Variants in SLC35F3 observed in about 807,000 individuals in gnomAD.
The protein encoded by SLC35F3 is solute carrier family 35 member F3, also known as putative thiamine transporter SLC35F3.
In SLC35F3, 25 loss-of-function variants were observed where a neutral mutation model predicts 49.9. That is an observed-to-expected ratio of 0.50 (90% confidence interval 0.37 to 0.70). The LOEUF is 0.70. SLC35F3 is among the 30% of genes least tolerant of loss of function. The probability of loss-of-function intolerance (pLI) is 0.00; values close to 1 mark genes in which losing one functional copy is unlikely to be tolerated. For synonymous variants in SLC35F3, 275 were observed against 265.4 expected (o/e 1.04, Z -0.35); for missense variants, 525 against 639.8 (o/e 0.82, Z 1.94).
intron 2 of SLC35F3, among the ~76,000 whole-genome samples, chr1:234,181,540 A>T (rs1324924391): frequency 6.6e-6 from 1 of 152,158 alleles, no homozygotes; most frequent in Non-Finnish European, 1.5e-5. Flanking sequence ...CAATTAGTTG[A>T]CAGGTCTCTA....
rs183843791 is a variant in SLC35F3, at chr1:234,058,982, T to C, written c.283+153224T>C. Among the ~76,000 whole-genome samples the C allele has an allele frequency of 7.2e-5, 11 of 152,310 alleles. No homozygotes were observed. In the East Asian group the frequency reaches 2.1e-3, roughly 29 times the overall value. On this transcript the variant is annotated intron_variant, in intron 2 of 7. Transcript: ENST00000366618. ...CATACAATTGTTCTTAGTATTCCCTTATGATACTTTATATTTCTGTAAAGT... is the reference window on the plus strand; with the variant it reads ...CATACAATTGTTCTTAGTATTCCCTCATGATACTTTATATTTCTGTAAAGT...
At chr1:234,280,436 T>C (rs1035515808) in intron 3 of SLC35F3, among the ~76,000 whole-genome samples, 2 of 152,234 alleles carry the variant, frequency 1.3e-5, no homozygotes, top group Non-Finnish European at 2.9e-5. Flanking sequence ...ATTCACTCTG[T>C]AGCTGAAACC....
chr1:233,915,937 T>G (rs1661961448), intron 2 of SLC35F3, among the ~76,000 whole-genome samples: 1 of 152,128 alleles, frequency 6.6e-6, no homozygotes, highest in South Asian at 2.1e-4. Context: ...AAGATGAGAT[T>G]TGGGTGGGGA....
chr1:234,145,434 T>C (rs1665982164), intron 2 of SLC35F3, among the ~76,000 whole-genome samples: 2 of 152,162 alleles, frequency 1.3e-5, no homozygotes, highest in South Asian at 4.1e-4. Context: ...ATATCCATCT[T>C]CAGTTAGGAA....
In SLC35F3 at chr1:234,231,881, C is replaced by G; in HGVS notation, c.608+140C>G. On this transcript the variant is annotated intron_variant, in intron 3 of 7. Coordinates refer to ENST00000366618, the MANE Select transcript of SLC35F3 (RefSeq NM_173508.4). The surrounding 1 kb of genome is among the most constrained non-coding windows in gnomAD (Gnocchi z 5.4). ...AGAGATGTTGCAGTGAATGCACCTG[C>G]TCTCAGTGGGGTCGGGAGCAGAATT... 1.2e-6 allele frequency: 1 copy of G among 801,074 alleles called. No homozygotes were observed. The highest frequency in any genetic ancestry group is 2.0e-6 in the Non-Finnish European group (1 of 498,366). 49.6% of individuals were successfully genotyped at this position (801,074 alleles called of 1,614,324 possible).
intron 2 of SLC35F3, among the ~76,000 whole-genome samples, chr1:233,931,742 T>G (rs1415608014): frequency 6.6e-6 from 1 of 152,214 alleles, no homozygotes; most frequent in Admixed American, 6.5e-5. Flanking sequence ...TGGCAATTCC[T>G]CAAGGATTTA....
At chr1:234,133,205 C>T (rs1665759795) in intron 2 of SLC35F3, among the ~76,000 whole-genome samples, 1 of 152,038 alleles carries the variant, frequency 6.6e-6, no homozygotes, top group Admixed American at 6.6e-5. Context: ...AAAGCTCATT[C>T]CAAAGTAACT....
chr1:234,124,642 G>A (rs1373601814), intron 2 of SLC35F3, among the ~76,000 whole-genome samples: 3 of 152,134 alleles, frequency 2.0e-5, no homozygotes, highest in African/African-American at 7.2e-5. Flanking sequence ...TGCGGTGGGA[G>A]CGTTACTTGA....
chr1:234,101,231 A>C (rs532126751), intron 2 of SLC35F3, among the ~76,000 whole-genome samples: 1 of 152,230 alleles, frequency 6.6e-6, no homozygotes, highest in East Asian at 1.9e-4. Flanking sequence ...TAAGTATAAT[A>C]GTTGGGTCTG....
chr1:234,252,195 A>AGCC (rs1216355784), intron 3 of SLC35F3, among the ~76,000 whole-genome samples: 4 of 152,014 alleles, frequency 2.6e-5, no homozygotes, highest in African/African-American at 9.7e-5. Flanking sequence ...TCAGCCTCCA[A>AGCC]AGTAGTTGGG....
chr1:234,301,032 G>A (rs1468444130), intron 3 of SLC35F3, among the ~76,000 whole-genome samples: 1 of 152,228 alleles, frequency 6.6e-6, no homozygotes, highest in South Asian at 2.1e-4. Context: ...ATGAATCATG[G>A]TAGCATCTCG....
At chr1:234,127,356 T>G (rs1217684085) in intron 2 of SLC35F3, among the ~76,000 whole-genome samples, 1 of 152,206 alleles carries the variant, frequency 6.6e-6, no homozygotes, top group Non-Finnish European at 1.5e-5. Context: ...TAAATGTCTC[T>G]ATCATGTCAT....
At chr1:233,967,144 T>C (rs1662917502) in intron 2 of SLC35F3, among the ~76,000 whole-genome samples, 1 of 152,218 alleles carries the variant, frequency 6.6e-6, no homozygotes, top group South Asian at 2.1e-4. Flanking sequence ...ATACTTATCC[T>C]AAAACCAAAA....
chr1:234,170,233 C>A (rs1666379823), intron 2 of SLC35F3, among the ~76,000 whole-genome samples: 1 of 152,184 alleles, frequency 6.6e-6, no homozygotes, highest in Non-Finnish European at 1.5e-5. Context: ...CCCATTTAAT[C>A]CTCATTGGAG....
At chr1:234,058,328 ATTTTTTTT>A (rs56960667) in intron 2 of SLC35F3, among the ~76,000 whole-genome samples, 145 of 39,788 alleles carry the variant, frequency 3.6e-3, no homozygotes, top group Middle Eastern at 0.017. Flanking sequence ...ATGTTCCTGA[ATTTTTTTT>A]TTTTTTTTTT....
chr1:234,303,697 G>A (rs941616307), intron 3 of SLC35F3, among the ~76,000 whole-genome samples: 4 of 151,910 alleles, frequency 2.6e-5, no homozygotes, highest in African/African-American at 4.9e-5. Flanking sequence ...TTTTGGTTGT[G>A]GTGGTGTCTG....
intron 2 of SLC35F3, among the ~76,000 whole-genome samples, chr1:234,169,618 C>A (rs925060740): frequency 6.6e-6 from 1 of 152,158 alleles, no homozygotes; most frequent in Non-Finnish European, 1.5e-5. Flanking sequence ...CACAGCTCCA[C>A]TACGGGAGGA....
chr1:234,126,206 A>C (rs1346832916), intron 2 of SLC35F3, among the ~76,000 whole-genome samples: 2 of 152,108 alleles, frequency 1.3e-5, no homozygotes, highest in African/African-American at 4.8e-5. Flanking sequence ...CTCTCTACCC[A>C]AGCCACTCCG....
At chr1:233,945,154 C>T (rs770124650) in intron 2 of SLC35F3, among the ~76,000 whole-genome samples, 4 of 151,680 alleles carry the variant, frequency 2.6e-5, no homozygotes, top group Non-Finnish European at 4.4e-5. Context: ...TGAGCCCTGA[C>T]GTCAACCAGA....
Sources: gnomAD v4.1 joint callset for allele counts (sites outside exome capture counted in the v4.1 genomes callset) on GRCh38, gnomAD v4.1.1 for gene constraint, Gnocchi (gnomAD v3.1) non-coding constraint, MANE v1.5 for transcripts, NCBI Gene and HGNC (gene_info 2026-07-23, HGNC 2026-07-21) for gene names.